ULK4: variants seen among roughly 807,000 people sequenced by gnomAD.
ULK4 encodes the protein unc-51 like kinase 4.
A neutral mutation model predicts 160.6 loss-of-function variants in ULK4; 133 were observed. The ratio of observed to expected loss-of-function variants is 0.83; its 90% CI spans 0.72 to 0.96. The LOEUF (loss-of-function observed/expected upper bound fraction) is 0.96, where lower values mean the gene tolerates loss of function less well. ULK4 is among the 40% of genes least tolerant of loss of function. ULK4 has a pLI of 0.00. For synonymous variants in ULK4, 534 were observed against 539.8 expected (o/e 0.99, Z 0.15); for missense variants, 1,580 against 1,499.5 (o/e 1.05, Z -0.89).
At chr3:41,431,955 A>C (rs1337532591) in intron 34 of ULK4, among the ~76,000 whole-genome samples, 1 of 151,618 alleles carries the variant, frequency 6.6e-6, no homozygotes, top group African/African-American at 2.4e-5. Context: ...ACGCCCGGCT[A>C]ATTTTTATGT....
At chr3:41,932,392 A>G (rs1699633197) in intron 4 of ULK4, among the ~76,000 whole-genome samples, 1 of 152,340 alleles carries the variant, frequency 6.6e-6, no homozygotes, top group South Asian at 2.1e-4. Context: ...AGCATAATGT[A>G]GCATTAAGAT....
chr3:41,706,066 C>G (rs1215925035), intron 25 of ULK4, among the ~76,000 whole-genome samples: 1 of 151,954 alleles, frequency 6.6e-6, no homozygotes, highest in Non-Finnish European at 1.5e-5. Context: ...CTCCTAGATA[C>G]CTCTTATTCC....
At position 41,403,530 on chromosome 3, in the gene ULK4, CAG is replaced by C. The variant is rs1160003982; in HGVS notation, c.3493-5268_3493-5267del. 2.0e-5 allele frequency among the ~76,000 whole-genome samples: 3 copies of C among 151,914 alleles called. No homozygotes were observed. In the East Asian group the frequency reaches 5.8e-4, roughly 29 times the overall value. On this transcript the variant is annotated intron_variant, in intron 34 of 36. Transcript: ENST00000301831. Reference sequence around the variant, plus strand: ...TTTTTCAATTGTACTGATTTTTTTTCAGAGTCAGCTTTTTGTTTCATTGATTT... The same window carrying C: ...TTTTTCAATTGTACTGATTTTTTTTCAGTCAGCTTTTTGTTTCATTGATTT...
intron 30 of ULK4, among the ~76,000 whole-genome samples, chr3:41,643,158 G>C (rs1338669743): frequency 6.6e-6 from 1 of 152,090 alleles, no homozygotes; most frequent in Non-Finnish European, 1.5e-5. Flanking sequence ...TCACTCTGAC[G>C]GTAGTTTCTT....
At chr3:41,427,117 AAAC>A (rs1339523720) in intron 34 of ULK4, among the ~76,000 whole-genome samples, 2 of 152,222 alleles carry the variant, frequency 1.3e-5, no homozygotes, top group African/African-American at 4.8e-5. Flanking sequence ...AACAATCACC[AAAC>A]AATACTATAA....
At chr3:41,561,382 A>C (rs1165752704) in intron 32 of ULK4, among the ~76,000 whole-genome samples, 1 of 152,332 alleles carries the variant, frequency 6.6e-6, no homozygotes, top group East Asian at 1.9e-4. Flanking sequence ...GCATCATACA[A>C]TGAGTTAGGG....
At chr3:41,749,133 C>T (rs2038525957) in intron 22 of ULK4, among the ~76,000 whole-genome samples, 1 of 152,218 alleles carries the variant, frequency 6.6e-6, no homozygotes, top group African/African-American at 2.4e-5. Context: ...TTCTGCTTTT[C>T]ACTTTCAGGG....
At chr3:41,357,823 C>T (rs139337475) in intron 35 of ULK4, among the ~76,000 whole-genome samples, 11 of 152,290 alleles carry the variant, frequency 7.2e-5, no homozygotes, top group African/African-American at 2.2e-4. Context: ...GCAGGAGTCA[C>T]GGAGGATCCA....
chr3:41,260,960 T>A (rs1023593946), intron 35 of ULK4, among the ~76,000 whole-genome samples: 5 of 152,160 alleles, frequency 3.3e-5, no homozygotes, highest in African/African-American at 1.2e-4. Flanking sequence ...GCATCTGGAA[T>A]ACAGTGATTC....
chr3:41,271,434 C>T (rs539370620), intron 35 of ULK4, among the ~76,000 whole-genome samples: 1 of 151,060 alleles, frequency 6.6e-6, no homozygotes, highest in Non-Finnish European at 1.5e-5. Flanking sequence ...CTCTGTTGCC[C>T]AGGCTGGAGT....
At chr3:41,857,611 G>A (rs555696146) in intron 17 of ULK4, among the ~76,000 whole-genome samples, 335 of 152,212 alleles carry the variant, frequency 2.2e-3, no homozygotes, top group Non-Finnish European at 4.2e-3. Flanking sequence ...TTTCTTTACT[G>A]GGAGACTTTT....
intron 35 of ULK4, among the ~76,000 whole-genome samples, chr3:41,327,260 AAGTCCAT>A (rs1188609470): frequency 2.0e-5 from 3 of 152,224 alleles, no homozygotes; most frequent in Non-Finnish European, 4.4e-5. Flanking sequence ...TTGTTACAGA[AAGTCCAT>A]AGGGTACTTT....
At chr3:41,659,672 TAA>T (rs34768898) in intron 30 of ULK4, among the ~76,000 whole-genome samples, 3 of 145,168 alleles carry the variant, frequency 2.1e-5, no homozygotes. Context: ...TTGGCCATAT[TAA>T]AAAAAAAAAA....
chr3:41,739,655 G>C (rs2038176831), intron 22 of ULK4, among the ~76,000 whole-genome samples: 1 of 151,898 alleles, frequency 6.6e-6, no homozygotes, highest in Non-Finnish European at 1.5e-5. Context: ...GCACATGCAT[G>C]TTCACTAACA....
chr3:41,439,979 CATT>C (rs1241040107), intron 34 of ULK4, among the ~76,000 whole-genome samples: 1 of 152,094 alleles, frequency 6.6e-6, no homozygotes, highest in Non-Finnish European at 1.5e-5. Flanking sequence ...TTGCAAAACG[CATT>C]ACTTATTTCA....
In ULK4 at chr3:41,562,163, G is replaced by A. The variant is rs181976389; in HGVS notation, c.3226+3862C>T. 2.6e-5 allele frequency among the ~76,000 whole-genome samples: 4 copies of A among 152,250 alleles called. No individual in the cohort carries two copies. In the East Asian group the frequency reaches 5.8e-4, roughly 22 times the overall value. On this transcript the variant is annotated intron_variant, in intron 32 of 36. Transcript: ENST00000301831. ...CAGCTTGTTCTGTTTCCATGTAGTC[G>A]TGCAGTTTTGAGTGAGTTTCCTAAT...
chr3:41,947,214 G>A (rs34144620), intron 2 of ULK4, among the ~76,000 whole-genome samples: 1 of 152,152 alleles, frequency 6.6e-6, no homozygotes. Flanking sequence ...GGGAGGCTCA[G>A]GCAGGAGAAT....
intron 34 of ULK4, among the ~76,000 whole-genome samples, chr3:41,445,663 C>T (rs927264049): frequency 3.9e-5 from 6 of 152,164 alleles, no homozygotes; most frequent in Admixed American, 2.0e-4. Context: ...GGGAAACTGG[C>T]TAGCCATATG....
chr3:41,681,557 C>A lies in ULK4; in HGVS notation c.2929G>T (p.Asp977Tyr), dbSNP rs780880910. The A allele has an allele frequency of 6.2e-7, 1 of 1,613,944 alleles. No homozygotes were observed. Among genetic ancestry groups the A allele is most frequent in the South Asian group, 1.1e-5 (1 of 91,076 alleles). Residue 977 changes from aspartate to tyrosine, a missense_variant, in exon 29 of 37, where the codon GAT becomes TAT. Asp to Tyr is a radical substitution (Grantham distance 160). Coordinates refer to ENST00000301831, the MANE Select transcript of ULK4 (RefSeq NM_017886.4). ...AGAGCCAGAAGATTGCTGTCAGAATCAACACTGGCCTTCTCCTTGCCATCC... is the reference window on the plus strand; with the variant it reads ...AGAGCCAGAAGATTGCTGTCAGAATAAACACTGGCCTTCTCCTTGCCATCC... ...FGDGKEKASV[D>Y]SDSNLLALIR...
Sources: gnomAD v4.1 joint callset for allele counts (sites outside exome capture counted in the v4.1 genomes callset) on GRCh38, gnomAD v4.1.1 for gene constraint, MANE v1.5 for transcripts, NCBI Gene and HGNC (gene_info 2026-07-23, HGNC 2026-07-21) for gene names.